Variants in LINGO2 observed in about 807,000 individuals in gnomAD.
LINGO2 encodes the protein leucine-rich repeat and immunoglobulin-like domain-containing nogo receptor-interacting protein 2.
LINGO2 carries 14 observed loss-of-function variants against 30.6 expected under a neutral mutation model. The observed-to-expected ratio is 0.46, with a 90% CI of 0.30 to 0.72. The LOEUF (loss-of-function observed/expected upper bound fraction) is 0.72, where lower values mean the gene tolerates loss of function less well. Among genes scored for constraint, LINGO2 ranks in the 30% least tolerant of loss-of-function variants. The pLI, the probability that LINGO2 is intolerant of heterozygous loss-of-function variation, is 0.07. For missense variants in LINGO2, 729 were observed against 751.7 expected, an observed-to-expected ratio of 0.97 and a Z score of 0.35; for synonymous variants, 317 against 288.5, an observed-to-expected ratio of 1.10 and a Z score of -1.00.
chr9:27,950,372 T>C, exon 6 of LINGO2: 1 of 1,614,196 alleles, frequency 6.2e-7, no homozygotes, highest in Non-Finnish European at 8.5e-7. Context: ...GATTGTTGAA[T>C]GCTCCTGGTT....
chr9:27,969,584 A>G (rs1820258977), intron 5 of LINGO2, among the ~76,000 whole-genome samples: 1 of 152,156 alleles, frequency 6.6e-6, no homozygotes, highest in African/African-American at 2.4e-5. Flanking sequence ...CATTTTGTAG[A>G]TAAGAAAAGT....
At chr9:28,712,674 A>G in the LINGO2 span, among the ~76,000 whole-genome samples, 1 of 151,872 alleles carries the variant, frequency 6.6e-6, no homozygotes, top group Non-Finnish European at 1.5e-5. Context: ...ATAATACTAG[A>G]TGTTACCATT....
chr9:28,705,676 A>C, the LINGO2 span, among the ~76,000 whole-genome samples: 3,367 of 152,232 alleles, frequency 0.022, 125 homozygotes, highest in African/African-American at 0.075. Context: ...TCTGGAGTTA[A>C]AACTCACAAA....
chr9:27,958,089 T>G (rs1819666135), intron 5 of LINGO2, among the ~76,000 whole-genome samples: 1 of 152,198 alleles, frequency 6.6e-6, no homozygotes. Flanking sequence ...CTGTGGGTTT[T>G]TCATAGATGA....
At chr9:28,921,602 A>G in the LINGO2 span, among the ~76,000 whole-genome samples, 4 of 152,282 alleles carry the variant, frequency 2.6e-5, no homozygotes, top group African/African-American at 9.6e-5. Context: ...GAAAACAGGG[A>G]AGGGAGCACA....
intron 1 of LINGO2, among the ~76,000 whole-genome samples, chr9:28,589,204 G>C (rs944488546): frequency 3.9e-5 from 6 of 152,032 alleles, no homozygotes; most frequent in Non-Finnish European, 8.8e-5. Context: ...ATACTGAATG[G>C]ACAAAAACTG....
chr9:28,587,894 C>T (rs1304802346), intron 1 of LINGO2, among the ~76,000 whole-genome samples: 3 of 151,816 alleles, frequency 2.0e-5, no homozygotes, highest in Non-Finnish European at 2.9e-5. Context: ...AAACAGTGGC[C>T]GTTTTGCATT....
At chr9:28,204,691 CAAG>C (rs1366792758) in intron 4 of LINGO2, among the ~76,000 whole-genome samples, 1 of 152,022 alleles carries the variant, frequency 6.6e-6, no homozygotes, top group Non-Finnish European at 1.5e-5. Flanking sequence ...GCAACTCTTC[CAAG>C]AAGAATTTGT....
At chr9:28,674,502 G>C (rs1205862599), upstream of LINGO2, among the ~76,000 whole-genome samples, 1 of 152,012 alleles carries the variant, frequency 6.6e-6, no homozygotes, top group African/African-American at 2.4e-5. Context: ...TCAGATAAAA[G>C]ACTTGAAAAC....
At chr9:28,135,372 G>A (rs1449566329) in intron 4 of LINGO2, among the ~76,000 whole-genome samples, 1 of 151,860 alleles carries the variant, frequency 6.6e-6, no homozygotes, top group Non-Finnish European at 1.5e-5. Flanking sequence ...AGTAAAGAAG[G>A]CAAGATTAAA....
the LINGO2 span, among the ~76,000 whole-genome samples, chr9:28,899,030 G>A: frequency 2.0e-5 from 3 of 146,912 alleles, no homozygotes; most frequent in South Asian, 2.2e-4. Flanking sequence ...TGTCTCTCAC[G>A]GAAACATTAA....
At chr9:28,774,483 T>C in the LINGO2 span, among the ~76,000 whole-genome samples, 1 of 152,092 alleles carries the variant, frequency 6.6e-6, no homozygotes, top group African/African-American at 2.4e-5. Context: ...TTCACACACA[T>C]ATATATACAC....
intron 1 of LINGO2, among the ~76,000 whole-genome samples, chr9:28,634,872 T>C (rs780278810): frequency 2.6e-5 from 4 of 152,084 alleles, no homozygotes; most frequent in Non-Finnish European, 4.4e-5. Context: ...AATAGAAAAA[T>C]CACTCTTTTC....
At chr9:28,097,151 A>C (rs983627020) in intron 4 of LINGO2, among the ~76,000 whole-genome samples, 5 of 152,098 alleles carry the variant, frequency 3.3e-5, no homozygotes, top group Admixed American at 3.3e-4. Context: ...TCTCACACCA[A>C]TTAGAATGGC....
the LINGO2 span, among the ~76,000 whole-genome samples, chr9:28,693,577 G>C: frequency 6.6e-6 from 1 of 152,200 alleles, no homozygotes; most frequent in East Asian, 1.9e-4. Flanking sequence ...GCCTGGCAAG[G>C]CTTAGTCCCA....
At chr9:28,946,422 T>C in the LINGO2 span, among the ~76,000 whole-genome samples, 1 of 152,136 alleles carries the variant, frequency 6.6e-6, no homozygotes, top group East Asian at 1.9e-4. Flanking sequence ...AAAAGCAATA[T>C]AGCATAGGAG....
intron 2 of LINGO2, among the ~76,000 whole-genome samples, chr9:28,378,611 C>G (rs1055308691): frequency 6.6e-6 from 1 of 152,140 alleles, no homozygotes; most frequent in African/African-American, 2.4e-5. Flanking sequence ...GATGAGGCTA[C>G]GGAACTGTTG....
At chr9:28,764,455 C>A in the LINGO2 span, among the ~76,000 whole-genome samples, 1 of 151,796 alleles carries the variant, frequency 6.6e-6, no homozygotes, top group African/African-American at 2.4e-5. Flanking sequence ...AGTTTAACAT[C>A]CTTTCATGAT....
At chr9:28,183,836 C>T (rs1819445707) in intron 4 of LINGO2, among the ~76,000 whole-genome samples, 1 of 152,160 alleles carries the variant, frequency 6.6e-6, no homozygotes, top group African/African-American at 2.4e-5. Context: ...AAGACAAGGT[C>T]AGCATGGTAA....
Sources: gnomAD v4.1 joint callset for allele counts (sites outside exome capture counted in the v4.1 genomes callset) on GRCh38, gnomAD v4.1.1 for gene constraint, MANE v1.5 for transcripts, NCBI Gene and HGNC (gene_info 2026-07-23, HGNC 2026-07-21) for gene names.